The following FMN2 variants were observed in gnomAD, a reference collection of about 807,000 sequenced individuals.
FMN2 encodes the protein formin-2.
FMN2 carries 51 observed loss-of-function variants against 142.3 expected under a neutral mutation model. The ratio of observed to expected loss-of-function variants is 0.36; its 90% CI spans 0.29 to 0.45. The LOEUF is 0.45. Among genes scored for constraint, FMN2 ranks in the 20% least tolerant of loss-of-function variants. The pLI is 1.00. For missense variants in FMN2, 1,936 were observed against 2,122.8 expected (o/e 0.91, Z 1.73); for synonymous variants, 882 against 869.8 (o/e 1.01, Z -0.25).
In FMN2 at chr1:240,228,314, AAAAAAAAAAAAAAAAAAAG is replaced by A. The variant is rs1405472620; in HGVS notation, c.4065+17085_4065+17103del. Among the ~76,000 whole-genome samples the A allele has an allele frequency of 9.7e-5, 7 of 72,058 alleles. No homozygotes were observed. The South Asian group carries it at 1.7e-3, about 17-fold the overall frequency. 47.3% of individuals were successfully genotyped at this position (72,058 alleles called of 152,430 possible). A position where few individuals can be genotyped will look rare whatever the true frequency, so the allele number is the denominator to read the frequency against. ...GTGAAACTCTGTCTCAAAAAAAAAAAAAAAAAAAAAAAAAAAAAGAAAAAGAAAAAGAAAAAGAAAGAAA... is the reference window on the plus strand; with the variant it reads ...GTGAAACTCTGTCTCAAAAAAAAAAAAAAAAGAAAAAGAAAAAGAAAGAAA... On this transcript the variant is annotated intron_variant, in intron 6 of 17. Coordinates refer to ENST00000319653, the MANE Select transcript of FMN2 (RefSeq NM_020066.5).
intron 7 of FMN2, among the ~76,000 whole-genome samples, chr1:240,291,800 CGTTTAACCTTG>C (rs1669802671): frequency 6.6e-6 from 1 of 151,964 alleles, no homozygotes; most frequent in Admixed American, 6.6e-5. Context: ...AAAGTCAACT[CGTTTAACCTTG>C]GGCTTCATAG....
At chr1:240,178,633 C>T (rs1468892847) in intron 3 of FMN2, among the ~76,000 whole-genome samples, 1 of 151,994 alleles carries the variant, frequency 6.6e-6, no homozygotes, top group Non-Finnish European at 1.5e-5. Flanking sequence ...CAGAGTCTCA[C>T]TCTGTTGCCT....
chr1:240,167,058 G>T (rs1350975494), intron 2 of FMN2, among the ~76,000 whole-genome samples: 1 of 152,186 alleles, frequency 6.6e-6, no homozygotes, highest in Non-Finnish European at 1.5e-5. Context: ...GGAGGCAGAA[G>T]TTGCAGTGAG....
At chr1:240,151,989 ACTCCTGGGCTCAAGCAATC>A (rs1465354315) in intron 2 of FMN2, among the ~76,000 whole-genome samples, 1 of 151,624 alleles carries the variant, frequency 6.6e-6, no homozygotes, top group African/African-American at 2.4e-5. Context: ...CTGCTCTCGA[ACTCCTGGGCTCAAGCAATC>A]CTCCTGCTTC....
At chr1:240,357,220 A>G (rs1275687722) in intron 14 of FMN2, among the ~76,000 whole-genome samples, 10 of 152,214 alleles carry the variant, frequency 6.6e-5, no homozygotes, top group Admixed American at 6.5e-4. Context: ...CCTTAATCCT[A>G]GGAGGATTTA....
chr1:240,110,550 C>T (rs1414066848), intron 1 of FMN2, among the ~76,000 whole-genome samples: 1 of 152,150 alleles, frequency 6.6e-6, no homozygotes, highest in Non-Finnish European at 1.5e-5. Context: ...CCCCTAACTG[C>T]GGTGTCCATG....
intron 15 of FMN2, among the ~76,000 whole-genome samples, chr1:240,407,989 T>C (rs1048450021): frequency 6.6e-5 from 10 of 152,188 alleles, no homozygotes; most frequent in African/African-American, 2.4e-4. Context: ...TTTCGCATCC[T>C]ACTTCCAGAA....
At chr1:240,214,407 C>T (rs757296006) in intron 6 of FMN2, among the ~76,000 whole-genome samples, 8 of 151,800 alleles carry the variant, frequency 5.3e-5, no homozygotes, top group East Asian at 2.0e-4. Context: ...AAAAATTAGC[C>T]GGGCGTGGCA....
intron 4 of FMN2, among the ~76,000 whole-genome samples, chr1:240,199,812 C>T (rs989115806): frequency 6.6e-6 from 1 of 152,146 alleles, no homozygotes; most frequent in African/African-American, 2.4e-5. Context: ...TAGATTTAAC[C>T]TTCCTCCATT....
chr1:240,193,342 GCAGA>G (rs1466551594), intron 4 of FMN2, among the ~76,000 whole-genome samples: 1 of 152,180 alleles, frequency 6.6e-6, no homozygotes, highest in Non-Finnish European at 1.5e-5. Flanking sequence ...GTATTAAGAA[GCAGA>G]CAGTTAGAAG....
In FMN2 at chr1:240,380,071, C is replaced by T. The variant is rs1338121735; in HGVS notation, c.4859-12440C>T. Among the ~76,000 whole-genome samples the T allele has an allele frequency of 2.6e-5, 4 of 152,176 alleles. No individual in the cohort carries two copies. In the East Asian group the frequency reaches 7.7e-4, roughly 29 times the overall value. On this transcript the variant is annotated intron_variant, in intron 14 of 17. Coordinates refer to ENST00000319653, the MANE Select transcript of FMN2 (RefSeq NM_020066.5). ...TCAATACACCATTGGCAACATTAGT[C>T]AGATTATAAAGGCAGAAAATCAACA...
chr1:240,248,645 T>G (rs955061861), intron 6 of FMN2, among the ~76,000 whole-genome samples: 1 of 151,986 alleles, frequency 6.6e-6, no homozygotes, highest in South Asian at 2.1e-4. Flanking sequence ...ACATGGTAGT[T>G]CTATTTTTAG....
At chr1:240,273,542 A>G (rs1193590062) in intron 7 of FMN2, among the ~76,000 whole-genome samples, 1 of 152,084 alleles carries the variant, frequency 6.6e-6, no homozygotes, top group East Asian at 1.9e-4. Flanking sequence ...GTTCTTAGCT[A>G]TAGAGCTAGT....
At chr1:240,281,756 T>G (rs530551900) in intron 7 of FMN2, among the ~76,000 whole-genome samples, 5 of 149,594 alleles carry the variant, frequency 3.3e-5, no homozygotes, top group Non-Finnish European at 5.9e-5. Context: ...TATCACTCAT[T>G]TTTTGGTAAT....
intron 2 of FMN2, among the ~76,000 whole-genome samples, chr1:240,133,876 C>T (rs1024556765): frequency 2.0e-5 from 3 of 152,186 alleles, no homozygotes; most frequent in Non-Finnish European, 2.9e-5. Flanking sequence ...TGTGAAGGTT[C>T]CTTGAACAAT....
chr1:240,315,289 G>A (rs1255151194), intron 8 of FMN2, among the ~76,000 whole-genome samples: 1 of 152,192 alleles, frequency 6.6e-6, no homozygotes, highest in East Asian at 1.9e-4. Flanking sequence ...TATGACTAAA[G>A]CTGGATCCTA....
intron 2 of FMN2, among the ~76,000 whole-genome samples, chr1:240,162,235 G>T (rs564737906): frequency 2.0e-4 from 31 of 152,230 alleles, no homozygotes; most frequent in African/African-American, 7.5e-4. Flanking sequence ...GGAGGCCGAG[G>T]CAGGTGGATC....
chr1:240,189,545 A>G (rs1187038365), intron 4 of FMN2, among the ~76,000 whole-genome samples: 2 of 152,256 alleles, frequency 1.3e-5, no homozygotes, highest in African/African-American at 4.8e-5. Flanking sequence ...GTTATACATG[A>G]AAGTTGTGCT....
chr1:240,426,116 A>G (rs1378977965), intron 15 of FMN2, among the ~76,000 whole-genome samples: 1 of 152,256 alleles, frequency 6.6e-6, no homozygotes. Flanking sequence ...GCTTCTCCAA[A>G]GAGATCATAA....
Sources: allele counts gnomAD v4.1 joint callset (sites outside exome capture counted in the v4.1 genomes callset), GRCh38; gene constraint gnomAD v4.1.1; transcripts MANE v1.5; gene names NCBI Gene and HGNC (gene_info 2026-07-23, HGNC 2026-07-21).